Variants in CENPE observed in about 807,000 individuals in gnomAD.
CENPE encodes centromere protein E, also known as centromere-associated protein E.
CENPE carries 145 observed loss-of-function variants against 336.1 expected under a neutral mutation model. That is an observed-to-expected ratio of 0.43 (90% CI 0.38 to 0.50). CENPE has a LOEUF of 0.50. Ranked by LOEUF, CENPE falls within the 20% of genes least tolerant of loss-of-function variation. The probability of loss-of-function intolerance (pLI) is 0.00; values close to 1 mark genes in which losing one functional copy is unlikely to be tolerated. For missense variants in CENPE, 2,719 were observed against 3,023.3 expected, an observed-to-expected ratio of 0.90 and a Z score of 2.36; for synonymous variants, 1,013 against 984.8, an observed-to-expected ratio of 1.03 and a Z score of -0.54.
chr4:103,152,923 G>C lies in CENPE; in HGVS notation c.3237+124C>G, dbSNP rs144813290. 4.5e-5 allele frequency: 32 copies of C among 711,270 alleles called. No individual in the cohort carries two copies. In the East Asian group the frequency reaches 8.4e-4, roughly 19 times the overall value. The allele number at this position is 711,270 out of a possible 1,614,324, so 44.1% of individuals were successfully genotyped here. On this transcript the variant is annotated intron_variant, in intron 25 of 48. Transcript: ENST00000265148. ...TGGGTAGAGACATTTGTTAAAAGTC[G>C]TCAGACCATACACTTCCACCAGATA...
rs746032962 is a variant in CENPE, at chr4:103,158,465, T to C, written c.2875-7A>G. The stretch of plus-strand genomic sequence containing the variant: ...GTTCTTGAGTATCTATATTCTTTGT[T>C]AGAAAAATATAAAAACAATTTCCAT... On this transcript the variant is annotated splice_region_variant and splice_polypyrimidine_tract_variant and intron_variant, in intron 23 of 48. Coordinates refer to ENST00000265148, the MANE Select transcript of CENPE (RefSeq NM_001813.3). The C allele has an allele frequency of 8.5e-6, 13 of 1,533,628 alleles. No homozygotes were observed. Among genetic ancestry groups the C allele is most frequent in the Admixed American group, 2.2e-5 (1 of 45,946 alleles).
chr4:103,153,278 T>C (rs1753707988), intron 24 of CENPE, 28 bp from the exon 25 acceptor site: 1 of 1,472,898 alleles, frequency 6.8e-7, no homozygotes, highest in Non-Finnish European at 9.3e-7. Flanking sequence ...TACAGAAGAA[T>C]TTCTTAAGTA....
intron 46 of CENPE, among the ~76,000 whole-genome samples, chr4:103,112,560 G>T (rs1468590399): frequency 7.1e-6 from 1 of 139,980 alleles, no homozygotes; most frequent in Non-Finnish European, 1.5e-5. Context: ...ATATGTGTAT[G>T]TATGTATATA....
In CENPE at chr4:103,194,586, AC is replaced by A; in HGVS notation, c.559+16del. On this transcript the variant is annotated intron_variant, in intron 6 of 48. Coordinates refer to ENST00000265148, the MANE Select transcript of CENPE (RefSeq NM_001813.3). ...GTTTTTACAAGTGTTCTAAAGAAAT[AC>A]AGCATAAAGTCTTACTTTCTCCCTT... 1 of 1,583,810 alleles carries A rather than the reference AC, an allele frequency of 6.3e-7. No homozygotes were observed. Among genetic ancestry groups the A allele is most frequent in the Non-Finnish European group, 8.6e-7 (1 of 1,162,086 alleles).
chr4:103,112,288 C>A (rs1280127982), intron 46 of CENPE, among the ~76,000 whole-genome samples: 1 of 146,100 alleles, frequency 6.8e-6, no homozygotes, highest in Non-Finnish European at 1.5e-5. Context: ...CTAAGCAAAA[C>A]ATAAGATATT....
rs115310306 is a variant in CENPE at position 103,140,380 on chromosome 4, C to T, written c.5789G>A (p.Arg1930His). Residue 1930 changes from arginine to histidine, a missense_variant, in exon 37 of 49, where the codon CGT becomes CAT. Physicochemically the swap from Arg to His is conservative, Grantham distance 29. This residue lies in a region of CENPE where 2,437 missense variants were observed against 2,513.3 expected (regional missense o/e 0.97). Transcript: ENST00000265148. ...LEIQQELKTA[R>H]MLSKEHKETV... ...TTCTTTGTGTTCTTTTGATAGCATACGAGCAGTTTTTAGTTCCTGTTGTAT... is the reference window on the plus strand; with the variant it reads ...TTCTTTGTGTTCTTTTGATAGCATATGAGCAGTTTTTAGTTCCTGTTGTAT... The T allele has an allele frequency of 9.8e-4, 1,570 of 1,600,638 alleles. 15 individuals carry two copies. The Admixed American group carries it at 0.016, about 16-fold the overall frequency.
intron 16 of CENPE, among the ~76,000 whole-genome samples, chr4:103,165,875 GT>G (rs200632087): frequency 4.4e-5 from 6 of 137,346 alleles, no homozygotes; most frequent in African/African-American, 1.6e-4. Flanking sequence ...TGAGCTTTGT[GT>G]TTTAAAAAAA....
At chr4:103,124,891 T>C (rs1313026040) in intron 42 of CENPE, among the ~76,000 whole-genome samples, 1 of 152,186 alleles carries the variant, frequency 6.6e-6, no homozygotes. Context: ...CATACCAAGT[T>C]ATTAATGCCT....
intron 42 of CENPE, among the ~76,000 whole-genome samples, chr4:103,123,425 T>C (rs1464672700): frequency 6.6e-6 from 1 of 152,194 alleles, no homozygotes; most frequent in African/African-American, 2.4e-5. Context: ...TTTTAATTAA[T>C]AATGGCCCCA....
intron 39 of CENPE, 33 bp from the exon 40 acceptor site, chr4:103,136,392 C>G (rs1354075267): frequency 1.3e-5 from 18 of 1,436,954 alleles, no homozygotes; most frequent in Non-Finnish European, 1.3e-5. Flanking sequence ...CAATTTATAA[C>G]AATTCATTCT....
intron 42 of CENPE, among the ~76,000 whole-genome samples, chr4:103,125,486 A>C (rs774257368): frequency 1.3e-5 from 2 of 152,146 alleles, no homozygotes; most frequent in African/African-American, 2.4e-5. Flanking sequence ...GACTCAGTAC[A>C]TTTGGGCTGA....
In CENPE at chr4:103,198,324, T is replaced by C. The variant is rs1404229217; in HGVS notation, c.-5A>G. 8.4e-6 allele frequency: 13 copies of C among 1,551,212 alleles called. No individual in the cohort carries two copies. The highest frequency in any genetic ancestry group is 4.9e-5 in the East Asian group (2 of 40,920). On this transcript the variant is annotated 5_prime_UTR_variant, in exon 1 of 49. Transcript: ENST00000265148. ...CACGGCTCCTTCCTCCGCCATCCTA[T>C]CAGGCTGAACTGGTCCCAGGAAAAT...
intron 8 of CENPE, among the ~76,000 whole-genome samples, chr4:103,188,516 A>G (rs574512121): frequency 6.6e-6 from 1 of 152,336 alleles, no homozygotes; most frequent in African/African-American, 2.4e-5. Flanking sequence ...CTGCATGGAA[A>G]CTGAACAACC....
chr4:103,173,200 T>C (rs1578657854), intron 16 of CENPE, among the ~76,000 whole-genome samples: 1 of 151,952 alleles, frequency 6.6e-6, no homozygotes, highest in Non-Finnish European at 1.5e-5. Context: ...AATAAATCCA[T>C]GCATATACAG....
At chr4:103,154,512 A>G (rs554282626) in intron 24 of CENPE, among the ~76,000 whole-genome samples, 9 of 152,274 alleles carry the variant, frequency 5.9e-5, no homozygotes, top group African/African-American at 2.2e-4. Context: ...CTTCTAGAAG[A>G]TAACAGTGAT....
chr4:103,188,859 T>A (rs977355834), intron 8 of CENPE, among the ~76,000 whole-genome samples: 1 of 152,006 alleles, frequency 6.6e-6, no homozygotes, highest in African/African-American at 2.4e-5. Flanking sequence ...CAGGAGCTGG[T>A]TTTTTGAAAA....
At chr4:103,146,163 GA>G in intron 29 of CENPE, 56 bp from the exon 30 acceptor site, 1 of 1,501,326 alleles carries the variant, frequency 6.7e-7, no homozygotes, top group Non-Finnish European at 9.0e-7. Context: ...TGTTTTAGGG[GA>G]AAATAAATCA....
chr4:103,182,389 A>C (rs1481153777), intron 11 of CENPE, among the ~76,000 whole-genome samples: 1 of 152,232 alleles, frequency 6.6e-6, no homozygotes, highest in Non-Finnish European at 1.5e-5. Flanking sequence ...GAATTTCAGA[A>C]TTATTTTGTT....
rs377693402 is a variant in CENPE at position 103,158,849 on chromosome 4, C to T, written c.2639G>A (p.Arg880His). The T allele has an allele frequency of 2.4e-5, 38 of 1,606,288 alleles. No individual in the cohort carries two copies. Among genetic ancestry groups the T allele is most frequent in the African/African-American group, 2.3e-4 (17 of 74,330 alleles). Residue 880 changes from arginine (R) to histidine (H), a missense_variant, in exon 23 of 49, where the codon CGT becomes CAT. By Grantham distance (29) the Arg-to-His change is conservative. Transcript: ENST00000265148. The part of the protein sequence containing the change: ...YKTQELQEKT[R>H]EVQERLNEME... Reference sequence around the variant, plus strand: ...CTCATTTAGTCTTTCTTGAACCTCACGTGTTTTCTCCTGAAGTTCTTGGGT... The same window carrying T: ...CTCATTTAGTCTTTCTTGAACCTCATGTGTTTTCTCCTGAAGTTCTTGGGT...
Sources: allele counts gnomAD v4.1 joint callset (sites outside exome capture counted in the v4.1 genomes callset), GRCh38; gene constraint gnomAD v4.1.1; regional missense constraint gnomAD v4.1.1; transcripts MANE v1.5; gene names NCBI Gene and HGNC (gene_info 2026-07-23, HGNC 2026-07-21).